Variants in SLC6A9 observed in about 807,000 individuals in gnomAD.
SLC6A9 encodes the protein solute carrier family 6 member 9, also known as sodium- and chloride-dependent glycine transporter 1.
In SLC6A9, 31 loss-of-function variants were observed where a neutral mutation model predicts 70.9. That is an observed-to-expected ratio of 0.44 (90% confidence interval 0.33 to 0.59). The LOEUF (loss-of-function observed/expected upper bound fraction) is 0.59. SLC6A9 is among the 20% of genes least tolerant of loss of function. SLC6A9 has a pLI of 0.04. For synonymous variants in SLC6A9, 310 were observed against 341.3 expected, an observed-to-expected ratio of 0.91 and a Z score of 1.01; for missense variants, 631 against 845.2, an observed-to-expected ratio of 0.75 and a Z score of 3.14.
chr1:44,016,736 G>T (rs2086757598), intron 2 of SLC6A9, among the ~76,000 whole-genome samples: 1 of 152,008 alleles, frequency 6.6e-6, no homozygotes, highest in African/African-American at 2.4e-5. Context: ...GGGCACCTCC[G>T]GCCCGTCTCC....
At position 44,024,264 on chromosome 1, in the gene SLC6A9, C is replaced by T; in HGVS notation, c.14G>A (p.Gly5Asp). The T allele has an allele frequency of 6.2e-7, 1 of 1,614,246 alleles. No homozygotes were observed. The highest frequency in any genetic ancestry group is 8.5e-7 in the Non-Finnish European group (1 of 1,180,034). Residue 5 changes from glycine (G) to aspartate (D), a missense_variant, in exon 2 of 14, where the codon GGT becomes GAT. Physicochemically the swap from Gly to Asp is moderately conservative, Grantham distance 94 (BLOSUM62 -1). Transcript: ENST00000372310. Reference sequence around the variant, plus strand: ...TGTACTCACCAGCATCCCTTTGGCACCTTTTCCTACCATGGCGGCGGTGGG... The same window carrying T: ...TGTACTCACCAGCATCCCTTTGGCATCTTTTCCTACCATGGCGGCGGTGGG... Reference protein sequence around the residue: MVGKGAKGMLNGAVP... With the variant: MVGKDAKGMLNGAVP...
In SLC6A9 at chr1:44,004,536, T is replaced by C. The variant is rs578038049; in HGVS notation, c.591-1551A>G. Among the ~76,000 whole-genome samples, 71 of 151,240 alleles carry C rather than the reference T, an allele frequency of 4.7e-4. 1 individual carries two copies. Among genetic ancestry groups the C allele is most frequent in the South Asian group, 1.5e-3 (7 of 4,790 alleles). Reference sequence around the variant, plus strand: ...AATTTTTGTATTTTTTGTAGAGATATGGTATCGCCATATTGCCCAGGCTGG... The same window carrying C: ...AATTTTTGTATTTTTTGTAGAGATACGGTATCGCCATATTGCCCAGGCTGG... On this transcript the variant is annotated intron_variant, in intron 5 of 13. Coordinates refer to ENST00000372310, the MANE Select transcript of SLC6A9 (RefSeq NM_001024845.3).
chr1:44,008,140 T>A (rs1187440487), intron 5 of SLC6A9, among the ~76,000 whole-genome samples: 2 of 152,192 alleles, frequency 1.3e-5, no homozygotes, highest in Non-Finnish European at 2.9e-5. Context: ...AGTGCTGGGA[T>A]TACAGGCATG....
chr1:44,022,794 A>C (rs34282584), intron 2 of SLC6A9, among the ~76,000 whole-genome samples: 38,699 of 137,984 alleles, frequency 0.28, 5,967 homozygotes, highest in Non-Finnish European at 0.35. Context: ...GCCTCACTGC[A>C]ACCCGGGTTC....
At chr1:44,016,573 T>A (rs922465183) in intron 2 of SLC6A9, 1 of 159,914 alleles carries the variant, frequency 6.3e-6, no homozygotes, top group Non-Finnish European at 1.4e-5. Flanking sequence ...GTGGGGTCTC[T>A]CTCTTCCCAG....
rs2086626965 is a variant in SLC6A9, at chr1:44,013,042, A to C, written c.31-2160T>G. ...ATGTTGACCCTACAATACCAGTTTT[A>C]TTCTGTCCCAGGGTTGTTTACTTAG... is the stretch of plus-strand genomic sequence containing the variant. On this transcript the variant is annotated intron_variant, in intron 2 of 13. Transcript: ENST00000372310. The surrounding 1 kb of genome is among the most constrained non-coding windows in gnomAD (Gnocchi z 5.3). 6.6e-6 allele frequency among the ~76,000 whole-genome samples: 1 copy of C among 152,176 alleles called. No individual in the cohort carries two copies. Among genetic ancestry groups the C allele is most frequent in the Admixed American group, 6.5e-5 (1 of 15,290 alleles).
Position 44,001,069 on chromosome 1 carries a change from G to A in SLC6A9, c.1336-14C>T. 6.3e-7 allele frequency: 1 copy of A among 1,595,236 alleles called. No homozygotes were observed. The highest frequency in any genetic ancestry group is 8.6e-7 in the Non-Finnish European group (1 of 1,169,114). On this transcript the variant is annotated splice_polypyrimidine_tract_variant and intron_variant, in intron 10 of 13. Transcript: ENST00000372310. ...ATAGATGCCTGCCTGGGGAACAGCGGGCAGCTGTGGGAGGCGCCTGCAGCC... is the reference window on the plus strand; with the variant it reads ...ATAGATGCCTGCCTGGGGAACAGCGAGCAGCTGTGGGAGGCGCCTGCAGCC...
At chr1:44,011,119 C>T (rs368899789) in intron 2 of SLC6A9, among the ~76,000 whole-genome samples, 18 of 152,336 alleles carry the variant, frequency 1.2e-4, no homozygotes, top group African/African-American at 4.3e-4. Flanking sequence ...GCCAGGTGCA[C>T]AGCCCACCTG....
chr1:44,001,431 G>C lies in SLC6A9; in HGVS notation c.1159C>G (p.Leu387Val). ...AGCAGGATAAGCATGAAGAAGAAGA[G>C]CAGAGACCACAGCGGGGAGATGGGA... ...LLPISPLWSL[L>V]FFFMLILLGL... Residue 387 changes from leucine to valine, a missense_variant, in exon 9 of 14, where the codon CTC (leucine) becomes GTC (valine). By Grantham distance (32) the Leu-to-Val change is conservative (BLOSUM62 1). Coordinates refer to ENST00000372310, the MANE Select transcript of SLC6A9 (RefSeq NM_001024845.3). 1.2e-6 allele frequency: 2 copies of C among 1,614,060 alleles called. No individual in the cohort carries two copies. The highest frequency in any genetic ancestry group is 1.7e-6 in the Non-Finnish European group (2 of 1,179,924).
At chr1:44,020,175 C>T (rs1326770398) in intron 2 of SLC6A9, among the ~76,000 whole-genome samples, 1 of 152,134 alleles carries the variant, frequency 6.6e-6, no homozygotes, top group Admixed American at 6.5e-5. Context: ...AGGCCCTGAG[C>T]CGGGATAGCA....
At chr1:43,998,362 C>A (rs1222058890) in intron 12 of SLC6A9, among the ~76,000 whole-genome samples, 1 of 152,150 alleles carries the variant, frequency 6.6e-6, no homozygotes, top group African/African-American at 2.4e-5. Flanking sequence ...ACATCCTGGG[C>A]CTTTAGGCTG....
chr1:44,000,671 G>A (rs891382766), intron 12 of SLC6A9, 96 bp downstream of exon 12: 2 of 792,050 alleles, frequency 2.5e-6, no homozygotes, highest in Non-Finnish European at 4.2e-6. Flanking sequence ...CTCCGGCCAG[G>A]TGCGGGAGCT....
intron 1 of SLC6A9, among the ~76,000 whole-genome samples, chr1:44,031,083 C>G (rs1171865648): frequency 6.6e-6 from 1 of 151,758 alleles, no homozygotes; most frequent in African/African-American, 2.4e-5. Flanking sequence ...GACGCGCGCA[C>G]CTACCCCGAT....
At chr1:44,001,687 A>T in intron 8 of SLC6A9, 60 bp from the exon 9 acceptor site, 1 of 1,335,970 alleles carries the variant, frequency 7.5e-7, no homozygotes, top group East Asian at 2.3e-5. Flanking sequence ...AAGAGGAGAC[A>T]TGGAGACACG....
At chr1:44,001,658 C>T (rs1252106981) in intron 8 of SLC6A9, 31 bp from the exon 9 acceptor site, 3 of 1,552,348 alleles carry the variant, frequency 1.9e-6, no homozygotes, top group Non-Finnish European at 1.8e-6. Context: ...GTTCAGCTTC[C>T]CTCTCCCCAA....
At chr1:44,007,028 C>G (rs778676018) in intron 5 of SLC6A9, among the ~76,000 whole-genome samples, 1 of 152,196 alleles carries the variant, frequency 6.6e-6, no homozygotes, top group African/African-American at 2.4e-5. Context: ...CTGCTGGCCT[C>G]TTCTGTCTTG....
Position 44,024,272 on chromosome 1 carries a change from T to A in SLC6A9, c.6A>T (p.Val2=). Reference sequence around the variant, plus strand: ...CCAGCATCCCTTTGGCACCTTTTCCTACCATGGCGGCGGTGGGTTGGGGCT... The same window carrying A: ...CCAGCATCCCTTTGGCACCTTTTCCAACCATGGCGGCGGTGGGTTGGGGCT... M[V]GKGAKGMLNG... is the part of the protein sequence containing the mutation. The change falls in exon 2 of 14, where the codon GTA becomes GTT. Residue 2 remains valine (V), a synonymous_variant. Coordinates refer to ENST00000372310, the MANE Select transcript of SLC6A9 (RefSeq NM_001024845.3). 6.2e-7 allele frequency: 1 copy of A among 1,614,232 alleles called. No individual in the cohort carries two copies. The highest frequency in any genetic ancestry group is 8.5e-7 in the Non-Finnish European group (1 of 1,180,030).
chr1:44,001,078 G>T, intron 10 of SLC6A9, 23 bp from the exon 11 acceptor site: 1 of 1,600,900 alleles, frequency 6.2e-7, no homozygotes, highest in Non-Finnish European at 8.5e-7. Flanking sequence ...GGGCAGCTGT[G>T]GGAGGCGCCT....
In SLC6A9 at chr1:44,001,386, G is replaced by A. The variant is rs200894491; in HGVS notation, c.1200+4C>T. On this transcript the variant is annotated splice_donor_region_variant and intron_variant, in intron 9 of 13. Transcript: ENST00000372310. ...GCCTCCGGTCCACGTCCTGCACCTC[G>A]TACCTGAGTGCCCAGCCCCAGCAGG... 7 of 1,612,162 alleles carry A rather than the reference G, an allele frequency of 4.3e-6. No individual in the cohort carries two copies. Among genetic ancestry groups the A allele is most frequent in the African/African-American group, 2.7e-5 (2 of 74,874 alleles).
Sources: gnomAD v4.1 joint callset for allele counts (sites outside exome capture counted in the v4.1 genomes callset) on GRCh38, gnomAD v4.1.1 for gene constraint, Gnocchi (gnomAD v3.1) non-coding constraint, MANE v1.5 for transcripts, NCBI Gene and HGNC (gene_info 2026-07-23, HGNC 2026-07-21) for gene names.